SYT1: variants seen among roughly 807,000 people sequenced by gnomAD.
The protein encoded by SYT1 is synaptotagmin 1.
In SYT1, 8 loss-of-function variants were observed where a neutral mutation model predicts 44.8. The observed-to-expected ratio is 0.18, with a 90% CI of 0.10 to 0.32. The LOEUF is 0.32. Among genes scored for constraint, SYT1 ranks in the 10% least tolerant of loss-of-function variants. The probability of loss-of-function intolerance (pLI) is 1.00; values close to 1 mark genes in which losing one functional copy is unlikely to be tolerated. For missense variants in SYT1, 286 were observed against 509.3 expected, an observed-to-expected ratio of 0.56 and a Z score of 4.22; for synonymous variants, 154 against 188.8, an observed-to-expected ratio of 0.82 and a Z score of 1.51.
chr12:79,268,879 G>A (rs1480877453), intron 4 of SYT1, among the ~76,000 whole-genome samples: 1 of 152,020 alleles, frequency 6.6e-6, no homozygotes. Context: ...AGTAATCACT[G>A]GCTGACAAAT....
chr12:79,283,139 A>G (rs148039877), intron 4 of SYT1, among the ~76,000 whole-genome samples: 46 of 152,298 alleles, frequency 3.0e-4, no homozygotes, highest in Non-Finnish European at 5.1e-4. Flanking sequence ...AAGCTATCCT[A>G]TAGCTATACA....
At chr12:79,071,339 T>C (rs1876258372) in intron 3 of SYT1, among the ~76,000 whole-genome samples, 1 of 152,132 alleles carries the variant, frequency 6.6e-6, no homozygotes, top group African/African-American at 2.4e-5. Flanking sequence ...TAACAAATGA[T>C]ATGGACTTTG....
intron 3 of SYT1, among the ~76,000 whole-genome samples, chr12:79,054,614 T>G (rs1874793811): frequency 6.6e-6 from 1 of 152,018 alleles, no homozygotes; most frequent in African/African-American, 2.4e-5. Flanking sequence ...CATTCCTTTA[T>G]CCTTCATTCT....
intron 8 of SYT1, among the ~76,000 whole-genome samples, chr12:79,331,615 A>AT (rs1001204836): frequency 2.0e-4 from 31 of 152,226 alleles, no homozygotes; most frequent in African/African-American, 6.3e-4. Flanking sequence ...CCTTTGCAGC[A>AT]TTTTTTATCC....
chr12:79,449,960 A>ATGTGTGTGTGTGTG lies in SYT1; in HGVS notation c.*836_*837insTGTGTGTGTGTGTG, dbSNP rs1870961046. 1.6e-5 allele frequency: 2 copies of ATGTGTGTGTGTGTG among 126,650 alleles called. No homozygotes were observed. Among genetic ancestry groups the ATGTGTGTGTGTGTG allele is most frequent in the Non-Finnish European group, 3.5e-5 (2 of 57,236 alleles). The allele number at this position is 126,650 out of a possible 1,614,324, so 7.8% of individuals were successfully genotyped here. A position where few individuals can be genotyped will look rare whatever the true frequency, so the allele number is the denominator to read the frequency against. On this transcript the variant is annotated 3_prime_UTR_variant, in exon 11 of 11. Transcript: ENST00000261205. ...TGTGTGTGTGTGTGTGTGTGTGTGC[A>ATGTGTGTGTGTGTG]CATTTGTTTGGGGATGGGGGAGAAG...
At chr12:79,217,425 T>C in intron 3 of SYT1, 78 bp from the exon 4 acceptor site, 1 of 1,302,970 alleles carries the variant, frequency 7.7e-7, no homozygotes, top group African/African-American at 1.5e-5. Context: ...TGATGTTGTT[T>C]CATCTCTGGG....
intron 1 of SYT1, among the ~76,000 whole-genome samples, chr12:78,925,271 C>G (rs548899232): frequency 3.7e-4 from 56 of 151,836 alleles, no homozygotes; most frequent in Non-Finnish European, 7.4e-4. Context: ...TCTTTGCTCA[C>G]CTTAGAATAT....
intron 3 of SYT1, among the ~76,000 whole-genome samples, chr12:79,065,797 G>A (rs538625003): frequency 1.2e-4 from 18 of 152,088 alleles, no homozygotes; most frequent in East Asian, 3.9e-4. Context: ...GCACTTATGC[G>A]CACAGAAGAT....
intron 3 of SYT1, among the ~76,000 whole-genome samples, chr12:79,195,271 CTTTCT>C (rs1333409464): frequency 6.6e-6 from 1 of 152,068 alleles, no homozygotes; most frequent in Non-Finnish European, 1.5e-5. Context: ...TCTGTCATTC[CTTTCT>C]TAACTCTTTT....
At chr12:78,974,500 G>A (rs983629096) in intron 1 of SYT1, among the ~76,000 whole-genome samples, 2 of 151,782 alleles carry the variant, frequency 1.3e-5, no homozygotes, top group Admixed American at 6.6e-5. Flanking sequence ...GCAGTGGTAC[G>A]ATCTCAGCTC....
Position 79,396,878 on chromosome 12 carries a change from T to C in SYT1, c.928+43259T>C, listed in dbSNP as rs560327308. Among the ~76,000 whole-genome samples, 82 of 152,300 alleles carry C rather than the reference T, an allele frequency of 5.4e-4. 1 individual carries two copies. Among genetic ancestry groups the C allele is most frequent in the African/African-American group, 1.9e-3 (80 of 41,582 alleles). ...ATAAACATAAAATAATTTTGGGTGC[T>C]GGTAAGTGCAACAAAGAAGACAAAT... On this transcript the variant is annotated intron_variant, in intron 9 of 10. Coordinates refer to ENST00000261205, the MANE Select transcript of SYT1 (RefSeq NM_005639.3).
chr12:79,161,818 C>T (rs1870965832), intron 3 of SYT1, among the ~76,000 whole-genome samples: 1 of 152,070 alleles, frequency 6.6e-6, no homozygotes, highest in Non-Finnish European at 1.5e-5. Flanking sequence ...AATTTTTATA[C>T]ATTGCTCTTA....
intron 3 of SYT1, among the ~76,000 whole-genome samples, chr12:79,168,956 G>A (rs1359097985): frequency 1.3e-5 from 2 of 151,914 alleles, no homozygotes; most frequent in South Asian, 2.1e-4. Context: ...TGGAACACTT[G>A]AGCAGCAATT....
intron 1 of SYT1, among the ~76,000 whole-genome samples, chr12:78,888,236 G>A (rs868219806): frequency 6.6e-6 from 1 of 151,710 alleles, no homozygotes; most frequent in Non-Finnish European, 1.5e-5. Context: ...ACATATAATT[G>A]TATAAAGTTA....
intron 8 of SYT1, among the ~76,000 whole-genome samples, chr12:79,324,579 G>A (rs745359325): frequency 1.3e-5 from 2 of 152,118 alleles, no homozygotes; most frequent in Non-Finnish European, 2.9e-5. Context: ...TTCAAGAGAG[G>A]CATTTAATAT....
chr12:79,275,941 T>G (rs889870150), intron 4 of SYT1, among the ~76,000 whole-genome samples: 7 of 152,170 alleles, frequency 4.6e-5, no homozygotes, highest in Middle Eastern at 3.2e-3. Context: ...TGTGAGAAAG[T>G]CATTGCACAA....
intron 9 of SYT1, among the ~76,000 whole-genome samples, chr12:79,361,686 T>C (rs747839249): frequency 1.3e-5 from 2 of 152,172 alleles, no homozygotes; most frequent in African/African-American, 2.4e-5. Flanking sequence ...TTCTCCCTAA[T>C]GTACAGATTG....
intron 9 of SYT1, chr12:79,393,414 CCCA>C (rs1248183324): frequency 2.6e-5 from 4 of 152,204 alleles, no homozygotes; most frequent in African/African-American, 7.2e-5. Flanking sequence ...AATTCACACT[CCCA>C]CCAACAGTGT....
At chr12:79,423,678 G>T (rs1411707892) in intron 9 of SYT1, among the ~76,000 whole-genome samples, 6 of 152,006 alleles carry the variant, frequency 3.9e-5, no homozygotes, top group Non-Finnish European at 1.5e-5. Context: ...CTGCAAAATG[G>T]ATTGCCTCAG....
Sources: allele counts gnomAD v4.1 joint callset (sites outside exome capture counted in the v4.1 genomes callset), GRCh38; gene constraint gnomAD v4.1.1; transcripts MANE v1.5; gene names NCBI Gene and HGNC (gene_info 2026-07-23, HGNC 2026-07-21).